The following ZER1 variants were observed in gnomAD, a reference collection of about 807,000 sequenced individuals.
ZER1 encodes the protein protein zer-1 homolog.
Under a neutral mutation model 78.8 loss-of-function variants are expected in ZER1, and 11 were observed. The ratio of observed to expected loss-of-function variants is 0.14; its 90% CI spans 0.09 to 0.23. The LOEUF (loss-of-function observed/expected upper bound fraction) is 0.23, where lower values mean the gene tolerates loss of function less well. Among genes scored for constraint, ZER1 ranks in the 10% least tolerant of loss-of-function variants. The probability of loss-of-function intolerance (pLI) is 1.00; values close to 1 mark genes in which losing one functional copy is unlikely to be tolerated. For missense variants in ZER1, 588 were observed against 996.9 expected (o/e 0.59, Z 5.52); for synonymous variants, 400 against 407.0 (o/e 0.98, Z 0.21).
chr9:128,755,356 A>G lies in ZER1; in HGVS notation c.158+52T>C. 3.1e-6 allele frequency: 5 copies of G among 1,608,076 alleles called. No individual in the cohort carries two copies. The highest frequency in any genetic ancestry group is 3.4e-6 in the Non-Finnish European group (4 of 1,175,334). Reference sequence around the variant, plus strand: ...GTGCACACACGGTCCCAATCTCTCTATACACATTCATGGTAAGACCCCTGC... The same window carrying G: ...GTGCACACACGGTCCCAATCTCTCTGTACACATTCATGGTAAGACCCCTGC... On this transcript the variant is annotated intron_variant, in intron 2 of 15. Coordinates refer to ENST00000291900, the MANE Select transcript of ZER1 (RefSeq NM_006336.4). The surrounding 1 kb of genome is among the most constrained non-coding windows in gnomAD (Gnocchi z 5.6).
At chr9:128,735,579 A>T (rs1474774655) in intron 13 of ZER1, 148 bp from the exon 14 acceptor site, 2 of 744,458 alleles carry the variant, frequency 2.7e-6, no homozygotes, top group Non-Finnish European at 4.3e-6. Flanking sequence ...CTGGCCCTGC[A>T]TCCCACTGGC....
rs757095383 is a variant in ZER1 at position 128,752,887 on chromosome 9, G to A, written c.747-38C>T. 5.6e-6 allele frequency: 9 copies of A among 1,594,876 alleles called. No homozygotes were observed. The Admixed American group carries it at 1.2e-4, about 21-fold the overall frequency. ...GTAGGGGGTGCAGGTTAGGAGCTGG[G>A]TACAGGGTGGGGCTGCCTTGCAGAT... On this transcript the variant is annotated intron_variant, in intron 4 of 15. Transcript: ENST00000291900.
chr9:128,753,785 G>T lies in ZER1; in HGVS notation c.309+24C>A. On this transcript the variant is annotated intron_variant, in intron 3 of 15. Coordinates refer to ENST00000291900, the MANE Select transcript of ZER1 (RefSeq NM_006336.4). The surrounding 1 kb of genome is among the most constrained non-coding windows in gnomAD (Gnocchi z 7.5). ...CCCCTGCTTGGTGTGGGCCCTCCTG[G>T]CGCTGTGGCGGGGCAGGTCTCACCT... 1.2e-6 allele frequency: 2 copies of T among 1,600,284 alleles called. No individual in the cohort carries two copies. The highest frequency in any genetic ancestry group is 1.7e-6 in the Non-Finnish European group (2 of 1,172,726).
At position 128,771,842 on chromosome 9, in the gene ZER1, G is replaced by A. The variant is rs1395816938; in HGVS notation, c.-356C>T. The A allele has an allele frequency of 6.6e-6, 1 of 152,180 alleles. No homozygotes were observed. The highest frequency in any genetic ancestry group is 2.4e-5 in the African/African-American group (1 of 41,454). The allele number at this position is 152,180 out of a possible 1,614,324, so 9.4% of individuals were successfully genotyped here. On this transcript the variant is annotated 5_prime_UTR_variant, in exon 1 of 16. Transcript: ENST00000291900. Reference sequence around the variant, plus strand: ...TGCCCTTAGGGCTGCCGGCGGGGCTGAGGCTCCTGGGCCCGGCCCCTCCCC... The same window carrying A: ...TGCCCTTAGGGCTGCCGGCGGGGCTAAGGCTCCTGGGCCCGGCCCCTCCCC...
intron 1 of ZER1, among the ~76,000 whole-genome samples, chr9:128,767,853 C>T (rs1270327644): frequency 1.3e-5 from 2 of 152,150 alleles, no homozygotes; most frequent in African/African-American, 4.8e-5. Flanking sequence ...AGGGCAGGGA[C>T]CCTATGTGAT....
chr9:128,770,099 G>T (rs1462365303), intron 1 of ZER1, among the ~76,000 whole-genome samples: 5 of 151,826 alleles, frequency 3.3e-5, no homozygotes, highest in Non-Finnish European at 7.4e-5. Context: ...TCTTCAACCT[G>T]CTCCAGTCCC....
At chr9:128,738,935 T>C (rs1863190808) in intron 13 of ZER1, among the ~76,000 whole-genome samples, 1 of 146,158 alleles carries the variant, frequency 6.8e-6, no homozygotes, top group East Asian at 2.1e-4. Flanking sequence ...CACTGCAACC[T>C]CTGCCTCCTG....
chr9:128,762,329 G>A (rs1182990579), intron 1 of ZER1, among the ~76,000 whole-genome samples: 1 of 152,130 alleles, frequency 6.6e-6, no homozygotes, highest in African/African-American at 2.4e-5. Flanking sequence ...GAAATCCAGC[G>A]GGAAGCCACA....
intron 1 of ZER1, among the ~76,000 whole-genome samples, chr9:128,769,863 T>C (rs1864329888): frequency 6.6e-6 from 1 of 152,182 alleles, no homozygotes; most frequent in African/African-American, 2.4e-5. Context: ...ATTACAAAGA[T>C]GGAAGAAGGG....
intron 1 of ZER1, among the ~76,000 whole-genome samples, chr9:128,758,107 A>T (rs1863919427): frequency 6.7e-6 from 1 of 149,234 alleles, no homozygotes; most frequent in Non-Finnish European, 1.5e-5. Context: ...TTTTTTTTTT[A>T]ATTTTTAGTT....
chr9:128,757,734 C>T (rs573181514), intron 1 of ZER1, among the ~76,000 whole-genome samples: 13 of 152,200 alleles, frequency 8.5e-5, no homozygotes, highest in African/African-American at 2.6e-4. Flanking sequence ...TTGGGGAAGA[C>T]GGGGAACAGT....
rs1383062836 is a variant in ZER1 at position 128,740,362 on chromosome 9, G to A, written c.1854-243C>T. ...TGGGAGGTCAAGGCAGGTGGATCAC[G>A]AGGTCCGGAGATCGAGACCATCCTG... is the stretch of plus-strand genomic sequence containing the variant. On this transcript the variant is annotated intron_variant, in intron 12 of 15. Coordinates refer to ENST00000291900, the MANE Select transcript of ZER1 (RefSeq NM_006336.4). The surrounding 1 kb of genome is among the most constrained non-coding windows in gnomAD (Gnocchi z 4.4). Among the ~76,000 whole-genome samples the A allele has an allele frequency of 6.6e-6, 1 of 152,158 alleles. No homozygotes were observed. Among genetic ancestry groups the A allele is most frequent in the Non-Finnish European group, 1.5e-5 (1 of 68,024 alleles).
At chr9:128,733,294 C>T (rs962782519) in intron 15 of ZER1, 132 bp downstream of exon 15, 1 of 690,544 alleles carries the variant, frequency 1.4e-6, no homozygotes, top group Non-Finnish European at 2.5e-6. Context: ...CATCAATACA[C>T]TGTCAACCTC....
At chr9:128,746,385 T>G (rs1282936783) in intron 8 of ZER1, among the ~76,000 whole-genome samples, 2 of 152,064 alleles carry the variant, frequency 1.3e-5, no homozygotes, top group African/African-American at 2.4e-5. Context: ...CTTATTTTGA[T>G]TTCCATTTCT....
intron 14 of ZER1, among the ~76,000 whole-genome samples, chr9:128,734,138 A>ATATATAT (rs1313739537): frequency 5.6e-5 from 1 of 17,770 alleles, no homozygotes; most frequent in Non-Finnish European, 1.5e-4. Context: ...AAAAAAAAAA[A>ATATATAT]AAAAAAATAT....
chr9:128,734,990 A>G (rs935156129), intron 14 of ZER1, among the ~76,000 whole-genome samples: 1 of 152,152 alleles, frequency 6.6e-6, no homozygotes, highest in African/African-American at 2.4e-5. Context: ...TCCAGACCTC[A>G]GGCAATTCTC....
At chr9:128,745,267 G>A (rs1863449737) in intron 8 of ZER1, among the ~76,000 whole-genome samples, 1 of 147,280 alleles carries the variant, frequency 6.8e-6, no homozygotes, top group Non-Finnish European at 1.5e-5. Context: ...GCTCATTGCA[G>A]CCTCAAAATC....
intron 1 of ZER1, among the ~76,000 whole-genome samples, chr9:128,765,261 G>A (rs910833932): frequency 6.6e-6 from 1 of 151,914 alleles, no homozygotes; most frequent in Non-Finnish European, 1.5e-5. Flanking sequence ...GTGCGCAAGC[G>A]CGCACGCACC....
intron 13 of ZER1, among the ~76,000 whole-genome samples, chr9:128,735,933 A>G (rs1489429620): frequency 6.6e-6 from 1 of 151,296 alleles, no homozygotes; most frequent in African/African-American, 2.4e-5. Flanking sequence ...GTGTGCCACC[A>G]CACCCAGCTA....
Sources: allele counts gnomAD v4.1 joint callset (sites outside exome capture counted in the v4.1 genomes callset), GRCh38; gene constraint gnomAD v4.1.1; non-coding constraint Gnocchi (gnomAD v3.1); transcripts MANE v1.5; gene names NCBI Gene and HGNC (gene_info 2026-07-23, HGNC 2026-07-21).